The following ROBO2 variants were observed in gnomAD, a reference collection of about 807,000 sequenced individuals.
The protein encoded by ROBO2 is roundabout homolog 2.
In ROBO2, 53 loss-of-function variants were observed where a neutral mutation model predicts 160.8. The observed-to-expected ratio is 0.33, with a 90% CI of 0.26 to 0.41. ROBO2 has a LOEUF of 0.41. ROBO2 is among the 10% of genes least tolerant of loss of function. The pLI is 1.00. For synonymous variants in ROBO2, 664 were observed against 611.7 expected (o/e 1.09, Z -1.26); for missense variants, 1,577 against 1,722.4 (o/e 0.92, Z 1.49).
intron 2 of ROBO2, among the ~76,000 whole-genome samples, chr3:77,232,995 A>G (rs2151297326): frequency 6.6e-6 from 1 of 152,314 alleles, no homozygotes; most frequent in Non-Finnish European, 1.5e-5. Flanking sequence ...GGCATATTGA[A>G]GAGCTTTAAA....
intron 2 of ROBO2, among the ~76,000 whole-genome samples, chr3:76,345,787 A>T (rs1378097469): frequency 6.6e-6 from 1 of 152,026 alleles, no homozygotes. Flanking sequence ...AATTGCTGAA[A>T]GTTTTATTTA....
chr3:76,606,541 A>C (rs990379136), intron 2 of ROBO2, among the ~76,000 whole-genome samples: 4 of 152,202 alleles, frequency 2.6e-5, no homozygotes, highest in African/African-American at 9.6e-5. Flanking sequence ...AGAACAGGAG[A>C]GATGTGTCTC....
At chr3:77,342,045 TA>T (rs1166248364) in intron 2 of ROBO2, among the ~76,000 whole-genome samples, 1 of 152,088 alleles carries the variant, frequency 6.6e-6, no homozygotes, top group African/African-American at 2.4e-5. Flanking sequence ...CACTGGGAAA[TA>T]AAGCTTCCGT....
At chr3:75,942,865 A>G (rs937812414) in intron 2 of ROBO2, among the ~76,000 whole-genome samples, 3 of 152,088 alleles carry the variant, frequency 2.0e-5, no homozygotes, top group Non-Finnish European at 4.4e-5. Context: ...TTAATCATGC[A>G]TTTCAGATAC....
At chr3:76,694,342 G>A (rs2092880304) in intron 2 of ROBO2, among the ~76,000 whole-genome samples, 1 of 152,150 alleles carries the variant, frequency 6.6e-6, no homozygotes, top group African/African-American at 2.4e-5. Flanking sequence ...GATGCCTTCT[G>A]TTGTACTCTA....
intron 2 of ROBO2, among the ~76,000 whole-genome samples, chr3:76,153,008 A>T (rs2072267518): frequency 6.6e-6 from 1 of 152,172 alleles, no homozygotes; most frequent in Non-Finnish European, 1.5e-5. Context: ...GCCAGTGATG[A>T]TTATAATATG....
chr3:75,976,326 G>A (rs917452147), intron 2 of ROBO2, among the ~76,000 whole-genome samples: 5 of 151,524 alleles, frequency 3.3e-5, no homozygotes, highest in Non-Finnish European at 7.4e-5. Context: ...TAGAAGAGAT[G>A]AATTAATTAT....
At position 75,951,882 on chromosome 3, in the gene ROBO2, T is replaced by C. The variant is rs116738330; in HGVS notation, c.109+14280T>C. ...GTGTACTTTATAAGTACATTTTGCTTATTCTCAGCAACTGTATTGAAACAA... is the reference window on the plus strand; with the variant it reads ...GTGTACTTTATAAGTACATTTTGCTCATTCTCAGCAACTGTATTGAAACAA... On this transcript the variant is annotated intron_variant, in intron 2 of 26. Transcript: ENST00000487694. Among the ~76,000 whole-genome samples, 1,110 of 152,136 alleles carry C rather than the reference T, an allele frequency of 7.3e-3. 3 individuals carry two copies. The highest frequency in any genetic ancestry group is 0.012 in the Non-Finnish European group (817 of 67,970).
At chr3:76,205,137 C>A (rs544772734) in intron 2 of ROBO2, among the ~76,000 whole-genome samples, 1 of 152,078 alleles carries the variant, frequency 6.6e-6, no homozygotes. Context: ...AGATGATCCT[C>A]GTATTTTTTC....
At chr3:77,332,711 T>C (rs1281403397) in intron 2 of ROBO2, among the ~76,000 whole-genome samples, 1 of 152,226 alleles carries the variant, frequency 6.6e-6, no homozygotes, top group Non-Finnish European at 1.5e-5. Context: ...CCAAAAGATG[T>C]AGTACATGTT....
At chr3:77,530,580 C>T (rs568340510) in intron 6 of ROBO2, among the ~76,000 whole-genome samples, 3 of 152,096 alleles carry the variant, frequency 2.0e-5, no homozygotes, top group African/African-American at 7.2e-5. Context: ...CGTTCATATA[C>T]TTGCCAACAG....
At chr3:77,092,405 C>T (rs1207806381) in intron 1 of ROBO2, among the ~76,000 whole-genome samples, 1 of 151,784 alleles carries the variant, frequency 6.6e-6, no homozygotes, top group African/African-American at 2.4e-5. Context: ...TCTGCTTCTC[C>T]TATCTATTCA....
chr3:76,266,042 G>T (rs1707081591), intron 2 of ROBO2, among the ~76,000 whole-genome samples: 1 of 152,008 alleles, frequency 6.6e-6, no homozygotes, highest in Non-Finnish European at 1.5e-5. Flanking sequence ...TCAACTAAAA[G>T]GATAAAATGT....
intron 22 of ROBO2, among the ~76,000 whole-genome samples, chr3:77,620,657 C>T (rs1298072826): frequency 6.6e-6 from 1 of 152,106 alleles, no homozygotes; most frequent in East Asian, 1.9e-4. Context: ...GAGGTAGCTT[C>T]CAGAATTAGA....
chr3:77,015,386 A>G (rs2062176674), intron 2 of ROBO2, among the ~76,000 whole-genome samples: 1 of 152,178 alleles, frequency 6.6e-6, no homozygotes, highest in Non-Finnish European at 1.5e-5. Flanking sequence ...TAGTGATTAC[A>G]TCTTTTCCTT....
intron 2 of ROBO2, among the ~76,000 whole-genome samples, chr3:76,367,041 A>T (rs2075852538): frequency 6.6e-6 from 1 of 152,054 alleles, no homozygotes; most frequent in African/African-American, 2.4e-5. Flanking sequence ...AAGCAATTTT[A>T]TATGAATTTC....
chr3:77,277,212 C>CTTCTTTCT (rs1553883029), intron 2 of ROBO2, among the ~76,000 whole-genome samples: 24 of 80,082 alleles, frequency 3.0e-4, no homozygotes, highest in African/African-American at 1.1e-3. Context: ...TTCTTTCTTT[C>CTTCTTTCT]TTCTTTCTTT....
Position 75,927,173 on chromosome 3 carries a change from A to T in ROBO2, c.-13-10308A>T, listed in dbSNP as rs181204295. 3.2e-4 allele frequency among the ~76,000 whole-genome samples: 49 copies of T among 152,336 alleles called. No individual in the cohort carries two copies. In the East Asian group the frequency reaches 8.9e-3, roughly 28 times the overall value. On this transcript the variant is annotated intron_variant, in intron 1 of 26. Transcript: ENST00000487694. The stretch of plus-strand genomic sequence containing the variant: ...TAAACAGCAATAACTTTATGGTGAA[A>T]CAAACTTCTTGGATATAGCATTAAA...
intron 2 of ROBO2, among the ~76,000 whole-genome samples, chr3:76,562,522 C>A (rs886903904): frequency 6.6e-6 from 1 of 151,432 alleles, no homozygotes; most frequent in Middle Eastern, 3.2e-3. Context: ...GTATAGACTC[C>A]CTTCGGTCAG....
Sources: gnomAD v4.1 joint callset for allele counts (sites outside exome capture counted in the v4.1 genomes callset) on GRCh38, gnomAD v4.1.1 for gene constraint, MANE v1.5 for transcripts, NCBI Gene and HGNC (gene_info 2026-07-23, HGNC 2026-07-21) for gene names.